Variants in TNKS observed in about 807,000 individuals in gnomAD.
TNKS encodes tankyrase.
In TNKS, 72 loss-of-function variants were observed where a neutral mutation model predicts 135.8. The observed-to-expected ratio is 0.53, with a 90% confidence interval of 0.44 to 0.64. The LOEUF is 0.64. Ranked by LOEUF, TNKS falls within the 30% of genes least tolerant of loss-of-function variation. TNKS has a pLI of 0.00. For synonymous variants in TNKS, 849 were observed against 649.3 expected (o/e 1.31, Z -4.68); for missense variants, 1,769 against 1,674.0 (o/e 1.06, Z -0.99).
At chr8:9,649,301 A>G (rs1040594483) in intron 3 of TNKS, among the ~76,000 whole-genome samples, 1 of 152,092 alleles carries the variant, frequency 6.6e-6, no homozygotes, top group African/African-American at 2.4e-5. Context: ...CAAATAACTT[A>G]TTTTCTTGTT....
chr8:9,747,686 G>A (rs1239604308), intron 17 of TNKS, among the ~76,000 whole-genome samples: 2 of 152,078 alleles, frequency 1.3e-5, no homozygotes, highest in Non-Finnish European at 2.9e-5. Flanking sequence ...TTTGAATTAG[G>A]TACTAGTTTC....
At chr8:9,756,640 C>G (rs1288002085) in intron 20 of TNKS, among the ~76,000 whole-genome samples, 1 of 152,134 alleles carries the variant, frequency 6.6e-6, no homozygotes, top group African/African-American at 2.4e-5. Flanking sequence ...TAAAATCCAA[C>G]TAACCTGCTT....
At chr8:9,715,530 C>G (rs922946870) in intron 11 of TNKS, among the ~76,000 whole-genome samples, 1 of 152,004 alleles carries the variant, frequency 6.6e-6, no homozygotes, top group African/African-American at 2.4e-5. Context: ...TCTATCTCCT[C>G]CCAGTACCCC....
chr8:9,731,819 G>A (rs1405872401), intron 14 of TNKS, among the ~76,000 whole-genome samples: 1 of 152,018 alleles, frequency 6.6e-6, no homozygotes, highest in African/African-American at 2.4e-5. Flanking sequence ...ACAGAGTCTC[G>A]CTCTGTCGCC....
At chr8:9,665,769 C>G (rs909133032) in intron 3 of TNKS, among the ~76,000 whole-genome samples, 2 of 152,116 alleles carry the variant, frequency 1.3e-5, no homozygotes, top group Non-Finnish European at 2.9e-5. Flanking sequence ...CATGAATTCA[C>G]TCTCGTGAAT....
chr8:9,691,876 G>A (rs1803290881), intron 5 of TNKS, among the ~76,000 whole-genome samples: 1 of 152,158 alleles, frequency 6.6e-6, no homozygotes, highest in South Asian at 2.1e-4. Context: ...ACTCAGTACA[G>A]ATTGAAGATC....
intron 5 of TNKS, among the ~76,000 whole-genome samples, chr8:9,688,916 C>T (rs1198729463): frequency 6.6e-6 from 1 of 152,132 alleles, no homozygotes; most frequent in Non-Finnish European, 1.5e-5. Flanking sequence ...ACTGGGATTA[C>T]AGGCGTGAGC....
At position 9,662,068 on chromosome 8, in the gene TNKS, G is replaced by A. The variant is rs141065770; in HGVS notation, c.995-17883G>A. ...CATCTCACACACCTGTTAGAATGGC[G>A]ATCATTAAGAAGTCAGGAAACAACA... On this transcript the variant is annotated intron_variant, in intron 3 of 26. Transcript: ENST00000310430. Among the ~76,000 whole-genome samples, 193 of 152,272 alleles carry A rather than the reference G, an allele frequency of 1.3e-3. 1 individual carries two copies. Among genetic ancestry groups the A allele is most frequent in the African/African-American group, 3.7e-3 (152 of 41,546 alleles).
At chr8:9,729,716 T>C (rs137918255) in intron 13 of TNKS, among the ~76,000 whole-genome samples, 155 of 152,108 alleles carry the variant, frequency 1.0e-3, no homozygotes, top group African/African-American at 3.7e-3. Flanking sequence ...CCTGGTTTGT[T>C]ATCTATCAAC....
At chr8:9,701,353 G>A (rs1451100345) in intron 5 of TNKS, among the ~76,000 whole-genome samples, 6 of 152,184 alleles carry the variant, frequency 3.9e-5, no homozygotes, top group African/African-American at 1.4e-4. Context: ...AGAAAGTTGT[G>A]TAAAAGATAA....
intron 26 of TNKS, among the ~76,000 whole-genome samples, chr8:9,771,312 A>T (rs556996503): frequency 8.5e-6 from 1 of 117,980 alleles, no homozygotes; most frequent in Non-Finnish European, 1.7e-5. Context: ...GGAAGGAAGG[A>T]AGAGAGAAGA....
At chr8:9,714,400 G>A (rs187823910) in intron 11 of TNKS, among the ~76,000 whole-genome samples, 1 of 151,678 alleles carries the variant, frequency 6.6e-6, no homozygotes, top group Admixed American at 6.6e-5. Flanking sequence ...CACAGATAAT[G>A]TTTTGGTTAT....
chr8:9,718,327 G>A (rs996313650), intron 11 of TNKS, among the ~76,000 whole-genome samples: 5 of 152,130 alleles, frequency 3.3e-5, no homozygotes, highest in African/African-American at 1.2e-4. Flanking sequence ...TGTTAAGTAC[G>A]GATGTCACAG....
intron 5 of TNKS, among the ~76,000 whole-genome samples, chr8:9,683,286 G>A (rs972587932): frequency 6.6e-6 from 1 of 151,946 alleles, no homozygotes; most frequent in Admixed American, 6.6e-5. Context: ...AACAAATCTA[G>A]CTGCTAAAAT....
Position 9,600,995 on chromosome 8 carries a change from G to A in TNKS, c.899-14587G>A, listed in dbSNP as rs139477175. Reference sequence around the variant, plus strand: ...AGAATGATCCAATTTTTCTTTATTCGTTACAAAGTAATTTCTGTAAGCAAG... The same window carrying A: ...AGAATGATCCAATTTTTCTTTATTCATTACAAAGTAATTTCTGTAAGCAAG... On this transcript the variant is annotated intron_variant, in intron 2 of 26. Transcript: ENST00000310430. Among the ~76,000 whole-genome samples, 798 of 152,092 alleles carry A rather than the reference G, an allele frequency of 5.2e-3. 8 individuals carry two copies. The highest frequency in any genetic ancestry group is 0.017 in the African/African-American group (687 of 41,490).
chr8:9,566,299 A>C (rs918913558), intron 1 of TNKS: 7 of 152,146 alleles, frequency 4.6e-5, no homozygotes, highest in Non-Finnish European at 8.8e-5. Flanking sequence ...TTTTTGGATA[A>C]ATTTTTGAAA....
rs994463716 is a variant in TNKS at position 9,685,101 on chromosome 8, T to A, written c.1107+4301T>A. 2.0e-5 allele frequency among the ~76,000 whole-genome samples: 3 copies of A among 152,262 alleles called. No individual in the cohort carries two copies. In the East Asian group the frequency reaches 5.8e-4, roughly 29 times the overall value. The stretch of plus-strand genomic sequence containing the variant: ...TTTAAGTGTCAACTTTCTGTAAATA[T>A]TTGCTTCCAAATAGTTAATAATGAA... On this transcript the variant is annotated intron_variant, in intron 5 of 26. Coordinates refer to ENST00000310430, the MANE Select transcript of TNKS (RefSeq NM_003747.3).
chr8:9,717,097 A>ATATATATATATATATATATATC (rs1804649162), intron 11 of TNKS, among the ~76,000 whole-genome samples: 1 of 130,374 alleles, frequency 7.7e-6, no homozygotes, highest in Non-Finnish European at 1.6e-5. Flanking sequence ...ATATATATAT[A>ATATATATATATATATATATATC]TATATTTTCA....
At position 9,614,935 on chromosome 8, in the gene TNKS, G is replaced by T. The variant is rs11249930; in HGVS notation, c.899-647G>T. On this transcript the variant is annotated intron_variant, in intron 2 of 26. Coordinates refer to ENST00000310430, the MANE Select transcript of TNKS (RefSeq NM_003747.3). The stretch of plus-strand genomic sequence containing the variant: ...ACCCAATATGGCAGGCATTACATTC[G>T]TGCCTTAGGATATATTATAGTGATT... Among the ~76,000 whole-genome samples the T allele has an allele frequency of 2.0e-5, 3 of 152,184 alleles. No homozygotes were observed. In the South Asian group the frequency reaches 6.2e-4, roughly 32 times the overall value.
Sources: gnomAD v4.1 joint callset for allele counts (sites outside exome capture counted in the v4.1 genomes callset) on GRCh38, gnomAD v4.1.1 for gene constraint, MANE v1.5 for transcripts, NCBI Gene and HGNC (gene_info 2026-07-23, HGNC 2026-07-21) for gene names.